Variants in MYO1C observed in about 807,000 individuals in gnomAD.
The protein encoded by MYO1C is myosin IC, also known as unconventional myosin-Ic.
MYO1C carries 104 observed loss-of-function variants against 150.8 expected under a neutral mutation model. The ratio of observed to expected loss-of-function variants is 0.69; its 90% CI spans 0.59 to 0.81. MYO1C has a LOEUF of 0.81. Ranked by LOEUF, MYO1C falls within the 30% of genes least tolerant of loss-of-function variation. The pLI is 0.00. For missense variants in MYO1C, 1,504 were observed against 1,435.0 expected, an observed-to-expected ratio of 1.05 and a Z score of -0.78; for synonymous variants, 663 against 579.9, an observed-to-expected ratio of 1.14 and a Z score of -2.06.
At chr17:1,481,997 G>A (rs2074533274) in intron 5 of MYO1C, among the ~76,000 whole-genome samples, 2 of 151,920 alleles carry the variant, frequency 1.3e-5, no homozygotes, top group African/African-American at 2.4e-5. Context: ...TTCCGTTCCC[G>A]CTGCCTGGAC....
rs532956688 is a variant in MYO1C, at chr17:1,473,319, G to A, written c.1798-1091C>T. On this transcript the variant is annotated intron_variant, in intron 17 of 31. Transcript: ENST00000648651. ...AGGGCCCGTTTGTTATAGACCAGTG[G>A]GATCTAGGGTGCCCTGGGGCCACCT... Among the ~76,000 whole-genome samples the A allele has an allele frequency of 2.6e-5, 4 of 152,276 alleles. No homozygotes were observed. The East Asian group carries it at 5.8e-4, about 22-fold the overall frequency.
intron 21 of MYO1C, 106 bp downstream of exon 21, chr17:1,470,965 A>G: frequency 7.9e-7 from 1 of 1,266,534 alleles, no homozygotes; most frequent in Non-Finnish European, 1.1e-6. Context: ...GTGGGGCTGG[A>G]GCTGATAGGG....
At chr17:1,491,842 A>G (rs2074739030) in intron 1 of MYO1C, among the ~76,000 whole-genome samples, 1 of 151,296 alleles carries the variant, frequency 6.6e-6, no homozygotes, top group Non-Finnish European at 1.5e-5. Flanking sequence ...CACAGCGAAC[A>G]CGCGCGCGCC....
intron 14 of MYO1C, among the ~76,000 whole-genome samples, chr17:1,476,214 T>G (rs986419966): frequency 6.6e-6 from 1 of 151,822 alleles, no homozygotes; most frequent in Non-Finnish European, 1.5e-5. Context: ...AGTCTCACTC[T>G]GTCATCCAGG....
rs760383893 is a variant in MYO1C at position 1,478,126 on chromosome 17, G to A, written c.1362C>T (p.Leu454=). ...CCTCGTACTCCTCCTGCTCCGACTT[G>A]AGCGTGAGCTCGATGAAGAGCTGCT... is the stretch of plus-strand genomic sequence containing the variant. ...KLQQLFIELT[L]KSEQEEYEAE... The change falls in exon 12 of 32, where the codon CTC becomes CTT. Residue 454 remains leucine, a synonymous_variant. Coordinates refer to ENST00000648651, the MANE Select transcript of MYO1C (RefSeq NM_001080779.2). This position sits in a 1 kb window ranked among gnomAD's most constrained non-coding sequence, Gnocchi z 6.3. The A allele has an allele frequency of 3.1e-6, 5 of 1,614,090 alleles. No homozygotes were observed. The highest frequency in any genetic ancestry group is 1.3e-5 in the African/African-American group (1 of 75,068).
intron 3 of MYO1C, 100 bp from the exon 4 acceptor site, chr17:1,483,159 G>A (rs1042711969): frequency 1.0e-4 from 120 of 1,199,114 alleles, no homozygotes; most frequent in Non-Finnish European, 1.3e-4. Context: ...TGTGGGAGTC[G>A]AATACACCCT....
intron 1 of MYO1C, chr17:1,490,831 T>A (rs1011132662): frequency 8.0e-6 from 1 of 124,850 alleles, no homozygotes. Flanking sequence ...CCCCCACCCC[T>A]CCCCCCAGGA....
At chr17:1,485,640 G>C in intron 1 of MYO1C, 3 of 1,177,922 alleles carry the variant, frequency 2.5e-6, no homozygotes, top group Non-Finnish European at 3.2e-6. Flanking sequence ...GACGCCGCGA[G>C]GTGGGGAGGG....
rs143976295 is a variant in MYO1C at position 1,479,691 on chromosome 17, G to A, written c.921C>T (p.Ile307=). The change falls in exon 8 of 32, where the codon ATC becomes ATT. Residue 307 remains isoleucine, a synonymous_variant. Transcript: ENST00000648651. The surrounding 1 kb of genome is among the most constrained non-coding windows in gnomAD (Gnocchi z 4.2). ...TGCCCAAATGAAGGACGCTGGCCAC[G>A]ATGCTCAGCAGGTCCTGGGGGAGCA... is the stretch of plus-strand genomic sequence containing the variant. ...TEDEVEDLLS[I]VASVLHLGNI... 27 of 1,611,730 alleles carry A rather than the reference G, an allele frequency of 1.7e-5. No homozygotes were observed. The highest frequency in any genetic ancestry group is 2.2e-5 in the Non-Finnish European group (26 of 1,179,166).
At chr17:1,477,365 A>G in intron 14 of MYO1C, 140 bp downstream of exon 14, 1 of 757,944 alleles carries the variant, frequency 1.3e-6, no homozygotes, top group Non-Finnish European at 2.3e-6. Flanking sequence ...TTCTGGACAC[A>G]TGTGAGGGGT....
At chr17:1,492,144 GTGCCCAGTATTCACGGTTC>G in intron 1 of MYO1C, 1 of 508,596 alleles carries the variant, frequency 2.0e-6, no homozygotes, top group East Asian at 3.6e-5. Flanking sequence ...CTTGCCTTTT[GTGCCCAGTATTCACGGTTC>G]TGCCCACTGA....
chr17:1,492,332 C>T (rs2074744651), intron 1 of MYO1C, 81 bp downstream of exon 1: 1 of 1,432,462 alleles, frequency 7.0e-7, no homozygotes, highest in Non-Finnish European at 9.6e-7. Flanking sequence ...CAGCTCTTGC[C>T]CGAGGGCTCG....
chr17:1,484,421 G>A (rs941225576), intron 1 of MYO1C, 118 bp from the exon 2 acceptor site: 14 of 1,270,292 alleles, frequency 1.1e-5, no homozygotes, highest in Admixed American at 5.8e-5. Context: ...GGCTAGACAC[G>A]GGACATGAGC....
intron 1 of MYO1C, chr17:1,491,682 C>A (rs1478602963): frequency 1.4e-5 from 14 of 978,842 alleles, no homozygotes; most frequent in African/African-American, 3.5e-5. Context: ...GCACTCTCCC[C>A]GCCCAGGGCC....
At position 1,468,466 on chromosome 17, in the gene MYO1C, A is replaced by T; in HGVS notation, c.2641T>A (p.Phe881Ile). 6.2e-7 allele frequency: 1 copy of T among 1,613,936 alleles called. No homozygotes were observed. The highest frequency in any genetic ancestry group is 8.5e-7 in the Non-Finnish European group (1 of 1,179,940). Reference protein sequence around the residue: ...LQQKAVASEIFKGKKDNYPQS... With the variant: ...LQQKAVASEIIKGKKDNYPQS... Reference sequence around the variant, plus strand: ...GGGTAATTATCCTTCTTGCCCTTGAAGATCTCACTAGCCACGGCCTTCTGC... The same window carrying T: ...GGGTAATTATCCTTCTTGCCCTTGATGATCTCACTAGCCACGGCCTTCTGC... The change falls in exon 26 of 32, where the codon TTC becomes ATC. Residue 881 changes from phenylalanine to isoleucine, a missense_variant. By Grantham distance (21) the Phe-to-Ile change is conservative. Transcript: ENST00000648651.
chr17:1,473,484 C>G (rs1472163566), intron 17 of MYO1C, among the ~76,000 whole-genome samples: 3 of 150,984 alleles, frequency 2.0e-5, no homozygotes, highest in African/African-American at 7.3e-5. Context: ...ACGGCAGCAG[C>G]GGGCAGGGGC....
At position 1,469,603 on chromosome 17, in the gene MYO1C, A is replaced by C. The variant is rs1464676593; in HGVS notation, c.2538T>G (p.Leu846=). 5 of 1,612,456 alleles carry C rather than the reference A, an allele frequency of 3.1e-6. No homozygotes were observed. The highest frequency in any genetic ancestry group is 4.2e-6 in the Non-Finnish European group (5 of 1,179,294). The change falls in exon 25 of 32, where the codon CTT becomes CTG. Residue 846 remains leucine (L), a synonymous_variant. Transcript: ENST00000648651. The part of the protein sequence containing the change: ...PPPALREASE[L]LRELCIKNMV... ...TGTTCTTTATGCACAACTCCCGCAG[A>C]AGCTCTGAGGCCTAAGGGGAGGAGT...
rs920181505 is a variant in MYO1C at position 1,480,572 on chromosome 17, G to A, written c.861C>T (p.Val287=). The A allele has an allele frequency of 5.0e-6, 8 of 1,614,082 alleles. No individual in the cohort carries two copies. The highest frequency in any genetic ancestry group is 1.3e-5 in the African/African-American group (1 of 74,922). ...AATCAATGACTGTCAGAGCCTTCCT[G>A]ACGACCTTCCAGTCACTCTTGTCGT... ...SINDKSDWKV[V]RKALTVIDFT... is the part of the protein sequence containing the mutation. The change falls in exon 7 of 32, where the codon GTC becomes GTT. Residue 287 remains valine, a synonymous_variant. Transcript: ENST00000648651.
At chr17:1,476,802 C>G (rs2074409800) in intron 14 of MYO1C, among the ~76,000 whole-genome samples, 1 of 151,320 alleles carries the variant, frequency 6.6e-6, no homozygotes. Context: ...CATTCTCAAA[C>G]AAGAAGAAGG....
Sources: gnomAD v4.1 joint callset for allele counts (sites outside exome capture counted in the v4.1 genomes callset) on GRCh38, gnomAD v4.1.1 for gene constraint, Gnocchi (gnomAD v3.1) non-coding constraint, MANE v1.5 for transcripts, NCBI Gene and HGNC (gene_info 2026-07-23, HGNC 2026-07-21) for gene names.